ZNF148: variants seen among roughly 807,000 people sequenced by gnomAD.
ZNF148 encodes zinc finger protein 148, also known as Beta-Enolase Repressor Factor-1.
Under a neutral mutation model 67.7 loss-of-function variants are expected in ZNF148, and 7 were observed. The ratio of observed to expected loss-of-function variants is 0.10; its 90% CI spans 0.06 to 0.19. The LOEUF is 0.19. ZNF148 is among the 10% of genes least tolerant of loss of function. ZNF148 has a pLI of 1.00. For missense variants in ZNF148, 583 were observed against 947.1 expected (o/e 0.62, Z 5.05); for synonymous variants, 333 against 330.7 (o/e 1.01, Z -0.08).
intron 7 of ZNF148, among the ~76,000 whole-genome samples, chr3:125,243,708 T>C (rs1392717085): frequency 1.3e-5 from 2 of 152,048 alleles, no homozygotes; most frequent in East Asian, 3.9e-4. Context: ...ATTTTTTTTA[T>C]AGAGACAGGG....
At chr3:125,330,732 G>C (rs1410654125) in intron 2 of ZNF148, among the ~76,000 whole-genome samples, 1 of 152,024 alleles carries the variant, frequency 6.6e-6, no homozygotes, top group Non-Finnish European at 1.5e-5. Context: ...ACTGACATGA[G>C]TATGTGCCAC....
Position 125,232,313 on chromosome 3 carries a change from C to A in ZNF148, c.*28G>T. On this transcript the variant is annotated 3_prime_UTR_variant, in exon 9 of 9. Coordinates refer to ENST00000360647, the MANE Select transcript of ZNF148 (RefSeq NM_021964.3). This position sits in a 1 kb window ranked among gnomAD's most constrained non-coding sequence, Gnocchi z 4.2. Reference sequence around the variant, plus strand: ...TCTTGATTAATCTGTTCTAAAGTGCCAGTATTATTTACACTTTTTTTTTTT... The same window carrying A: ...TCTTGATTAATCTGTTCTAAAGTGCAAGTATTATTTACACTTTTTTTTTTT... 1 of 1,567,460 alleles carries A rather than the reference C, an allele frequency of 6.4e-7. No individual in the cohort carries two copies. Among genetic ancestry groups the A allele is most frequent in the African/African-American group, 1.4e-5 (1 of 70,442 alleles).
intron 7 of ZNF148, among the ~76,000 whole-genome samples, chr3:125,263,136 G>A (rs929567129): frequency 1.3e-5 from 2 of 152,186 alleles, no homozygotes; most frequent in Non-Finnish European, 2.9e-5. Context: ...CATTTAAAGT[G>A]TATAATTCCA....
rs1355355025 is a variant in ZNF148 at position 125,232,111 on chromosome 3, A to G, written c.*230T>C. 2.3e-6 allele frequency: 1 copy of G among 434,382 alleles called. No individual in the cohort carries two copies. The highest frequency in any genetic ancestry group is 2.0e-5 in the African/African-American group (1 of 49,522). The allele number at this position is 434,382 out of a possible 1,614,324, so 26.9% of individuals were successfully genotyped here. A position where few individuals can be genotyped will look rare whatever the true frequency, so the allele number is the denominator to read the frequency against. ...GGGTGGAATAGCAAGTTTCTGATCT[A>G]AAACAAGTAATGCATTGCTTCTATA... On this transcript the variant is annotated 3_prime_UTR_variant, in exon 9 of 9. Transcript: ENST00000360647. The surrounding 1 kb of genome is among the most constrained non-coding windows in gnomAD (Gnocchi z 4.2).
chr3:125,325,398 T>C (rs540911975), intron 2 of ZNF148, among the ~76,000 whole-genome samples: 5 of 151,664 alleles, frequency 3.3e-5, no homozygotes, highest in African/African-American at 9.7e-5. Flanking sequence ...ACATTTTGAG[T>C]ACCAGGAAAG....
intron 2 of ZNF148, among the ~76,000 whole-genome samples, chr3:125,329,207 C>CAT (rs1941161733): frequency 6.7e-6 from 1 of 148,804 alleles, no homozygotes; most frequent in Non-Finnish European, 1.5e-5. Context: ...TGGAAAAACA[C>CAT]ATATATATCT....
chr3:125,320,418 T>C (rs1004949933), intron 3 of ZNF148, among the ~76,000 whole-genome samples: 2 of 152,206 alleles, frequency 1.3e-5, no homozygotes, highest in African/African-American at 2.4e-5. Context: ...CATCCATGTG[T>C]CACTTATTAC....
At chr3:125,239,975 G>A (rs962434390) in intron 7 of ZNF148, among the ~76,000 whole-genome samples, 1 of 152,130 alleles carries the variant, frequency 6.6e-6, no homozygotes, top group African/African-American at 2.4e-5. Flanking sequence ...TTCTTCTGGG[G>A]GGTGACAAAA....
intron 7 of ZNF148, among the ~76,000 whole-genome samples, chr3:125,276,896 C>A (rs753448386): frequency 1.1e-4 from 17 of 152,168 alleles, no homozygotes; most frequent in Non-Finnish European, 1.8e-4. Flanking sequence ...AATAACAACA[C>A]TGGGCAGGTA....
chr3:125,341,894 G>A (rs541281036), intron 1 of ZNF148, among the ~76,000 whole-genome samples: 8 of 151,604 alleles, frequency 5.3e-5, no homozygotes, highest in African/African-American at 1.5e-4. Flanking sequence ...TACTCAGGAC[G>A]CTAAGGTAGG....
chr3:125,303,052 G>GC (rs1455274199), intron 4 of ZNF148, among the ~76,000 whole-genome samples: 1 of 152,094 alleles, frequency 6.6e-6, no homozygotes, highest in Non-Finnish European at 1.5e-5. Context: ...ACTGATACAT[G>GC]CAACAACCTG....
intron 1 of ZNF148, chr3:125,344,460 A>C: frequency 9.7e-7 from 1 of 1,027,478 alleles, no homozygotes; most frequent in South Asian, 1.3e-5. Context: ...AAAGAAGTCA[A>C]ATAAAAATGG....
intron 7 of ZNF148, among the ~76,000 whole-genome samples, chr3:125,254,287 C>T (rs1579626575): frequency 6.6e-6 from 1 of 152,018 alleles, no homozygotes; most frequent in Non-Finnish European, 1.5e-5. Flanking sequence ...GCTTTATGGC[C>T]AAATGCATGA....
intron 7 of ZNF148, among the ~76,000 whole-genome samples, chr3:125,235,161 T>C (rs1936029071): frequency 6.6e-6 from 1 of 152,208 alleles, no homozygotes; most frequent in Non-Finnish European, 1.5e-5. Context: ...TGTTTCTCCC[T>C]TTCATACATT....
intron 7 of ZNF148, among the ~76,000 whole-genome samples, chr3:125,256,513 T>C (rs1040448717): frequency 3.3e-5 from 5 of 150,728 alleles, no homozygotes; most frequent in African/African-American, 7.3e-5. Context: ...CCCATCTCTA[T>C]AAAAATACAA....
chr3:125,232,813 G>A lies in ZNF148; in HGVS notation c.1913C>T (p.Pro638Leu). Residue 638 changes from proline to leucine, a missense_variant, in exon 9 of 9, where the codon CCA becomes CTA. Pro to Leu is a moderately conservative substitution (Grantham distance 98, BLOSUM62 -3). Coordinates refer to ENST00000360647, the MANE Select transcript of ZNF148 (RefSeq NM_021964.3). The surrounding 1 kb of genome is among the most constrained non-coding windows in gnomAD (Gnocchi z 4.2). ...TATGGAAGAGAATGCTGGCTGATTTGGGAGGGTCTGGTTATCAGTCACAAA... is the reference window on the plus strand; with the variant it reads ...TATGGAAGAGAATGCTGGCTGATTTAGGAGGGTCTGGTTATCAGTCACAAA... ...LNFVTDNQTL[P>L]NQPAFSSIDK... 3 of 1,613,834 alleles carry A rather than the reference G, an allele frequency of 1.9e-6. No homozygotes were observed. The highest frequency in any genetic ancestry group is 1.7e-6 in the Non-Finnish European group (2 of 1,179,810).
chr3:125,323,958 C>CA (rs11316937), intron 2 of ZNF148, among the ~76,000 whole-genome samples: 39 of 127,862 alleles, frequency 3.1e-4, no homozygotes, highest in South Asian at 4.9e-4. Context: ...GACTCTGTCT[C>CA]AAAAAAAAAA....
intron 4 of ZNF148, among the ~76,000 whole-genome samples, chr3:125,290,792 CAT>C (rs1293237941): frequency 2.6e-5 from 4 of 151,978 alleles, no homozygotes; most frequent in African/African-American, 9.7e-5. Flanking sequence ...ACAGACAGCA[CAT>C]GTGTCATACT....
intron 1 of ZNF148, among the ~76,000 whole-genome samples, chr3:125,334,016 C>T (rs891431425): frequency 2.4e-4 from 36 of 152,122 alleles, no homozygotes; most frequent in African/African-American, 8.5e-4. Flanking sequence ...CAATAATATA[C>T]ATAAAGACTT....
Sources: gnomAD v4.1 joint callset for allele counts (sites outside exome capture counted in the v4.1 genomes callset) on GRCh38, gnomAD v4.1.1 for gene constraint, Gnocchi (gnomAD v3.1) non-coding constraint, MANE v1.5 for transcripts, NCBI Gene and HGNC (gene_info 2026-07-23, HGNC 2026-07-21) for gene names.